The following WNK1 variants were observed in gnomAD, a reference collection of about 807,000 sequenced individuals.
WNK1 encodes the protein WNK lysine deficient protein kinase 1.
Under a neutral mutation model 222.8 loss-of-function variants are expected in WNK1, and 38 were observed. That is an observed-to-expected ratio of 0.17 (90% CI 0.13 to 0.22). WNK1 has a LOEUF of 0.22. Among genes scored for constraint, WNK1 ranks in the 10% least tolerant of loss-of-function variants. The pLI is 1.00. For missense variants in WNK1, 2,348 were observed against 2,918.4 expected (o/e 0.80, Z 4.50); for synonymous variants, 1,090 against 1,092.9 (o/e 1.00, Z 0.05).
intron 3 of WNK1, among the ~76,000 whole-genome samples, chr12:828,463 G>A (rs1367786148): frequency 6.6e-6 from 1 of 152,058 alleles, no homozygotes; most frequent in Non-Finnish European, 1.5e-5. Context: ...CAATACTACT[G>A]AGATTTGGGG....
chr12:787,663 T>A (rs766475201), intron 1 of WNK1, among the ~76,000 whole-genome samples: 1 of 152,326 alleles, frequency 6.6e-6, no homozygotes, highest in East Asian at 1.9e-4. Flanking sequence ...TCGGTTTTCC[T>A]TATTCTTACA....
intron 8 of WNK1, among the ~76,000 whole-genome samples, chr12:862,830 C>A (rs889484788): frequency 2.2e-4 from 33 of 152,134 alleles, no homozygotes; most frequent in Admixed American, 1.8e-3. Context: ...AGTTCCTTCC[C>A]CAGTATATGT....
intron 2 of WNK1, among the ~76,000 whole-genome samples, chr12:814,433 G>A (rs768022871): frequency 5.9e-5 from 9 of 151,466 alleles, no homozygotes; most frequent in Non-Finnish European, 1.2e-4. Flanking sequence ...TTTTTCATTT[G>A]TATTGTGCTT....
At chr12:868,582 T>C in intron 8 of WNK1, 2 of 1,614,020 alleles carry the variant, frequency 1.2e-6, no homozygotes, top group South Asian at 2.2e-5. Context: ...ATTCTGCGCC[T>C]GCTGTGTTAA....
At chr12:765,041 G>A (rs1169234677) in intron 1 of WNK1, among the ~76,000 whole-genome samples, 1 of 147,892 alleles carries the variant, frequency 6.8e-6, no homozygotes, top group African/African-American at 2.4e-5. Context: ...TGCCATGTTG[G>A]CCAGGCTGGT....
chr12:762,984 G>A (rs1399889130), intron 1 of WNK1, among the ~76,000 whole-genome samples: 1 of 146,464 alleles, frequency 6.8e-6, no homozygotes, highest in African/African-American at 2.4e-5. Flanking sequence ...GACCTCAGGC[G>A]ATCCGCCAGC....
At chr12:859,890 A>G (rs1238368997) in intron 6 of WNK1, among the ~76,000 whole-genome samples, 2 of 151,560 alleles carry the variant, frequency 1.3e-5, no homozygotes, top group African/African-American at 4.8e-5. Context: ...TAATTTTTGT[A>G]TTTTTAGTAT....
At position 865,321 on chromosome 12, in the gene WNK1, G is replaced by T. The variant is rs769105175; in HGVS notation, c.2139+3051G>T. On this transcript the variant is annotated intron_variant, in intron 8 of 27. Coordinates refer to ENST00000315939, the MANE Select transcript of WNK1 (RefSeq NM_018979.4). ...CTGCCTATGCACTCTGCCTCTCAGC[G>T]CAAGCACCGACGCTCCAGCCTGCCT... 1.3e-6 allele frequency: 2 copies of T among 1,535,942 alleles called. No individual in the cohort carries two copies. The highest frequency in any genetic ancestry group is 1.7e-6 in the Non-Finnish European group (2 of 1,146,898).
intron 1 of WNK1, among the ~76,000 whole-genome samples, chr12:781,860 G>A (rs1289516777): frequency 1.3e-5 from 2 of 151,854 alleles, no homozygotes; most frequent in Non-Finnish European, 2.9e-5. Context: ...GTCTTCTCTA[G>A]TTCTGTCAGA....
At chr12:906,417 C>T (rs953777756) in intron 26 of WNK1, 16 of 985,240 alleles carry the variant, frequency 1.6e-5, no homozygotes, top group Non-Finnish European at 1.9e-5. Context: ...AAAGCTTCCT[C>T]CTCCCCTTTG....
chr12:792,308 CTTTTTTTT>C (rs35838951), intron 1 of WNK1, among the ~76,000 whole-genome samples: 1 of 89,080 alleles, frequency 1.1e-5, no homozygotes. Flanking sequence ...TACTGTTATT[CTTTTTTTT>C]TTTTTTTTTT....
In WNK1 at chr12:887,314, G is replaced by A. The variant is rs1281620606; in HGVS notation, c.5364+10G>A. ...ACCTTCTCTAACCCAGGTGCCTCAA[G>A]ACTTGACAAATTTCTTCCTGTGCCC... On this transcript the variant is annotated intron_variant, in intron 20 of 27. Transcript: ENST00000315939. 1 of 1,613,960 alleles carries A rather than the reference G, an allele frequency of 6.2e-7. No individual in the cohort carries two copies.
rs1007842257 is a variant in WNK1, at chr12:774,265, C to T, written c.759+19941C>T. ...TGTCTCTCCCTTCTCCCTGCAGCTC[C>T]CAAGGAGGGTGAGTGTATTGATCTT... On this transcript the variant is annotated intron_variant, in intron 1 of 27. Coordinates refer to ENST00000315939, the MANE Select transcript of WNK1 (RefSeq NM_018979.4). Among the ~76,000 whole-genome samples the T allele has an allele frequency of 1.3e-4, 20 of 152,170 alleles. 1 individual carries two copies. The highest frequency in any genetic ancestry group is 2.5e-4 in the Non-Finnish European group (17 of 68,034).
In WNK1 at chr12:753,574, C is replaced by G. The variant is rs1276942563; in HGVS notation, c.9C>G (p.Gly3=). ...TCTCCAGCGAACCGACCATGTCTGG[C>G]GGCGCCGCAGAGAAGCAGAGCAGCA... is the stretch of plus-strand genomic sequence containing the variant. MS[G]GAAEKQSSTP... is the part of the protein sequence containing the mutation. The change falls in exon 1 of 28, where the codon GGC becomes GGG. Residue 3 remains glycine, a synonymous_variant. Transcript: ENST00000315939. The surrounding 1 kb of genome is among the most constrained non-coding windows in gnomAD (Gnocchi z 5.2). 1 of 1,612,470 alleles carries G rather than the reference C, an allele frequency of 6.2e-7. No individual in the cohort carries two copies. The highest frequency in any genetic ancestry group is 2.2e-5 in the East Asian group (1 of 44,862).
At chr12:778,417 C>G (rs955654688) in intron 1 of WNK1, among the ~76,000 whole-genome samples, 1 of 152,042 alleles carries the variant, frequency 6.6e-6, no homozygotes, top group Non-Finnish European at 1.5e-5. Flanking sequence ...ACTGCAACCT[C>G]CACCTCCCGG....
intron 1 of WNK1, among the ~76,000 whole-genome samples, chr12:760,713 G>A (rs1240441649): frequency 6.8e-6 from 1 of 147,036 alleles, no homozygotes; most frequent in Non-Finnish European, 1.5e-5. Flanking sequence ...ATTTTATTTG[G>A]AAGATGATTA....
intron 1 of WNK1, among the ~76,000 whole-genome samples, chr12:763,834 C>T (rs1007062574): frequency 1.4e-5 from 2 of 146,966 alleles, no homozygotes; most frequent in African/African-American, 4.9e-5. Flanking sequence ...AAAAATGAAG[C>T]ATGGATAAGA....
At position 861,120 on chromosome 12, in the gene WNK1, G is replaced by T; in HGVS notation, c.1728G>T (p.Arg576=). The change falls in exon 7 of 28, where the codon CGG becomes CGT. Residue 576 remains arginine, a synonymous_variant. Transcript: ENST00000315939. The part of the protein sequence containing the change: ...KRKREQRQLV[R]EEQEKKKQEE... ...AACGAGAGCAGCGGCAGTTGGTACG[G>T]GAGGAGCAAGAAAAAAAAAAGCAGG... 5.0e-6 allele frequency: 8 copies of T among 1,613,862 alleles called. No homozygotes were observed. Among genetic ancestry groups the T allele is most frequent in the Non-Finnish European group, 6.8e-6 (8 of 1,179,942 alleles).
intron 8 of WNK1, among the ~76,000 whole-genome samples, chr12:869,446 T>C (rs527587388): frequency 6.6e-6 from 1 of 152,166 alleles, no homozygotes; most frequent in Non-Finnish European, 1.5e-5. Context: ...CCCAGCATTA[T>C]TTAGGAATAC....
Sources: gnomAD v4.1 joint callset for allele counts (sites outside exome capture counted in the v4.1 genomes callset) on GRCh38, gnomAD v4.1.1 for gene constraint, Gnocchi (gnomAD v3.1) non-coding constraint, MANE v1.5 for transcripts, NCBI Gene and HGNC (gene_info 2026-07-23, HGNC 2026-07-21) for gene names.